FOXJ3: variants seen among roughly 807,000 people sequenced by gnomAD.
The protein encoded by FOXJ3 is forkhead box J3.
Under a neutral mutation model 76.1 loss-of-function variants are expected in FOXJ3, and 22 were observed. That is an observed-to-expected ratio of 0.29 (90% CI 0.21 to 0.41). FOXJ3 has a LOEUF of 0.41. FOXJ3 is among the 10% of genes least tolerant of loss of function. FOXJ3 has a pLI of 1.00. For synonymous variants in FOXJ3, 269 were observed against 261.2 expected, an observed-to-expected ratio of 1.03 and a Z score of -0.29; for missense variants, 613 against 762.1, an observed-to-expected ratio of 0.80 and a Z score of 2.30.
intron 3 of FOXJ3, among the ~76,000 whole-genome samples, chr1:42,272,400 C>T (rs1279811048): frequency 1.3e-5 from 2 of 152,110 alleles, no homozygotes; most frequent in African/African-American, 4.8e-5. Context: ...TGTCTCCACT[C>T]GAAGTGTTCA....
intron 4 of FOXJ3, among the ~76,000 whole-genome samples, chr1:42,250,720 T>G (rs1451876928): frequency 5.0e-5 from 7 of 140,520 alleles, no homozygotes; most frequent in Non-Finnish European, 4.5e-5. Context: ...GGAGGCTATC[T>G]GGGAGGCAGA....
intron 2 of FOXJ3, among the ~76,000 whole-genome samples, chr1:42,306,298 C>CTTTTTTTTTGTTT (rs1654461495): frequency 1.2e-5 from 1 of 81,692 alleles, no homozygotes; most frequent in Non-Finnish European, 2.3e-5. Context: ...GAACTTTTTT[C>CTTTTTTTTTGTTT]TTTTTTTTTT....
intron 3 of FOXJ3, among the ~76,000 whole-genome samples, chr1:42,278,118 G>A (rs965611644): frequency 5.3e-5 from 8 of 151,728 alleles, no homozygotes; most frequent in African/African-American, 1.2e-4. Flanking sequence ...CATTATCCCC[G>A]CTCTTACTTT....
chr1:42,230,573 A>T (rs545998489), intron 4 of FOXJ3, among the ~76,000 whole-genome samples: 67 of 152,322 alleles, frequency 4.4e-4, no homozygotes, highest in Non-Finnish European at 8.4e-4. Flanking sequence ...CTGCATGAAA[A>T]CAAAACGTTG....
At chr1:42,222,745 T>C (rs1647267138) in intron 5 of FOXJ3, among the ~76,000 whole-genome samples, 1 of 152,172 alleles carries the variant, frequency 6.6e-6, no homozygotes, top group African/African-American at 2.4e-5. Context: ...CTAAATTCCC[T>C]CCCCTCAATC....
At position 42,231,462 on chromosome 1, in the gene FOXJ3, G is replaced by A. The variant is rs935660908; in HGVS notation, c.445-3496C>T. The stretch of plus-strand genomic sequence containing the variant: ...ACAAAGAGTAAAATGATGGTTGGTA[G>A]GGGATAAGGGGAAGGGAATGTAGGT... On this transcript the variant is annotated intron_variant, in intron 4 of 12. Transcript: ENST00000361346. 2.3e-4 allele frequency among the ~76,000 whole-genome samples: 35 copies of A among 152,310 alleles called. 1 individual carries two copies. The highest frequency in any genetic ancestry group is 3.1e-4 in the Non-Finnish European group (21 of 68,038).
intron 1 of FOXJ3, among the ~76,000 whole-genome samples, chr1:42,324,211 A>AG (rs1655677075): frequency 7.1e-6 from 1 of 139,994 alleles, no homozygotes; most frequent in African/African-American, 2.6e-5. Flanking sequence ...TATATATACT[A>AG]TATATATAAA....
intron 1 of FOXJ3, among the ~76,000 whole-genome samples, chr1:42,324,743 C>G (rs1245320485): frequency 2.0e-5 from 3 of 152,036 alleles, no homozygotes; most frequent in Non-Finnish European, 4.4e-5. Context: ...AGAAAAGGTA[C>G]AGTAAAAATA....
chr1:42,185,263 T>TC (rs1358236180), intron 11 of FOXJ3, among the ~76,000 whole-genome samples: 1 of 143,498 alleles, frequency 7.0e-6, no homozygotes, highest in Non-Finnish European at 1.5e-5. Flanking sequence ...TTTTTTTTTT[T>TC]TTTTTTTTTT....
At chr1:42,333,608 A>G (rs574584121) in intron 1 of FOXJ3, among the ~76,000 whole-genome samples, 2 of 152,290 alleles carry the variant, frequency 1.3e-5, no homozygotes. Flanking sequence ...TTTTCTATAA[A>G]TATTTGCTAG....
chr1:42,318,420 C>T (rs1392274098), intron 1 of FOXJ3, among the ~76,000 whole-genome samples: 1 of 152,178 alleles, frequency 6.6e-6, no homozygotes, highest in Non-Finnish European at 1.5e-5. Flanking sequence ...TGGCTCACTG[C>T]AACCTCCACC....
chr1:42,260,137 T>A (rs1650920632), intron 4 of FOXJ3, among the ~76,000 whole-genome samples: 1 of 152,174 alleles, frequency 6.6e-6, no homozygotes, highest in African/African-American at 2.4e-5. Flanking sequence ...ATTATACTCT[T>A]ATCTTCCTTC....
intron 8 of FOXJ3, among the ~76,000 whole-genome samples, chr1:42,194,282 C>G (rs2124223849): frequency 6.6e-6 from 1 of 152,310 alleles, no homozygotes; most frequent in South Asian, 2.1e-4. Flanking sequence ...ATTAAACCAG[C>G]AGCTAATGGG....
Position 42,278,432 on chromosome 1 carries a change from G to C in FOXJ3, c.285C>G (p.Pro95=), listed in dbSNP as rs1230952528. Residue 95 remains proline (P), a synonymous_variant, in exon 3 of 13, where the codon CCC becomes CCG. Transcript: ENST00000361346. The stretch of plus-strand genomic sequence containing the variant: ...TTTCACTTAAAGTCATTTTCTTTTT[G>C]GGTGAGCTATTAATTGCAAATGTAA... ...SLITFAINSS[P]KKKMTLSEIY... is the part of the protein sequence containing the mutation. The C allele has an allele frequency of 6.2e-7, 1 of 1,613,816 alleles. No individual in the cohort carries two copies.
At chr1:42,300,135 G>A (rs934590889) in intron 2 of FOXJ3, among the ~76,000 whole-genome samples, 1 of 152,110 alleles carries the variant, frequency 6.6e-6, no homozygotes, top group Non-Finnish European at 1.5e-5. Flanking sequence ...GGGAGGCAGA[G>A]GCTGCAGTGA....
At chr1:42,249,365 A>G (rs1649830227) in intron 4 of FOXJ3, among the ~76,000 whole-genome samples, 1 of 152,190 alleles carries the variant, frequency 6.6e-6, no homozygotes, top group Non-Finnish European at 1.5e-5. Flanking sequence ...AGTTACCTAA[A>G]GTAGTCATTA....
intron 2 of FOXJ3, among the ~76,000 whole-genome samples, chr1:42,297,748 TCTGGTGTCCTCACCTGACTTTGATA>T (rs533126149): frequency 7.9e-4 from 120 of 152,312 alleles, no homozygotes; most frequent in African/African-American, 9.9e-4. Flanking sequence ...GACTTTGGTA[TCTGGTGTCCTCACCTGACTTTGATA>T]CTGGTGTCCT....
At chr1:42,273,180 T>C (rs368229373) in intron 3 of FOXJ3, among the ~76,000 whole-genome samples, 1 of 152,246 alleles carries the variant, frequency 6.6e-6, no homozygotes, top group Admixed American at 6.5e-5. Context: ...CAACTATTTA[T>C]AGCACAGCAC....
intron 1 of FOXJ3, among the ~76,000 whole-genome samples, chr1:42,325,665 A>G (rs1025151816): frequency 2.0e-5 from 3 of 152,230 alleles, no homozygotes; most frequent in Admixed American, 6.5e-5. Flanking sequence ...ATGGAAGCTT[A>G]TAAGTAGATC....
Sources: gnomAD v4.1 joint callset for allele counts (sites outside exome capture counted in the v4.1 genomes callset) on GRCh38, gnomAD v4.1.1 for gene constraint, MANE v1.5 for transcripts, NCBI Gene and HGNC (gene_info 2026-07-23, HGNC 2026-07-21) for gene names.